Variants in CMBL observed in about 807,000 individuals in gnomAD.
CMBL encodes carboxymethylenebutenolidase homolog.
CMBL carries 17 observed loss-of-function variants against 28.7 expected under a neutral mutation model. That is an observed-to-expected ratio of 0.59 (90% confidence interval 0.41 to 0.89). The LOEUF is 0.89. Ranked by LOEUF, CMBL falls within the 40% of genes least tolerant of loss-of-function variation. The pLI is 0.00. For missense variants in CMBL, 310 were observed against 298.5 expected (o/e 1.04, Z -0.28); for synonymous variants, 106 against 101.6 (o/e 1.04, Z -0.26).
chr5:10,288,592 C>T, intron 2 of CMBL, 63 bp from the exon 3 acceptor site: 1 of 1,287,880 alleles, frequency 7.8e-7, no homozygotes, highest in Non-Finnish European at 1.1e-6. Context: ...ATTTTGCTTG[C>T]ATTTATTTAA....
At chr5:10,290,829 A>G (rs1283906986) in intron 1 of CMBL, 48 bp from the exon 2 acceptor site, 11 of 1,401,996 alleles carry the variant, frequency 7.8e-6, no homozygotes, top group South Asian at 2.4e-5. Flanking sequence ...GCAAATCTAA[A>G]GGCTATAAAT....
In CMBL at chr5:10,288,140, G is replaced by A. The variant is rs539652448; in HGVS notation, c.323+282C>T. 1.7e-3 allele frequency among the ~76,000 whole-genome samples: 264 copies of A among 151,954 alleles called. 4 individuals carry two copies. The highest frequency in any genetic ancestry group is 3.8e-4 in the Non-Finnish European group (26 of 67,950). ...AAAATTAGCCGGGCTGGTGGCAGGC[G>A]CCTGTAATCCCAGCTACTCGGGAGG... is the stretch of plus-strand genomic sequence containing the variant. On this transcript the variant is annotated intron_variant, in intron 3 of 5. Coordinates refer to ENST00000296658, the MANE Select transcript of CMBL (RefSeq NM_138809.4).
intron 1 of CMBL, among the ~76,000 whole-genome samples, chr5:10,305,003 C>T (rs1197196999): frequency 1.3e-5 from 2 of 152,180 alleles, no homozygotes; most frequent in Non-Finnish European, 2.9e-5. Context: ...AAGAAGGTTT[C>T]CTTTTCCTCC....
At chr5:10,305,067 A>T (rs1200756412) in intron 1 of CMBL, among the ~76,000 whole-genome samples, 5 of 152,150 alleles carry the variant, frequency 3.3e-5, no homozygotes, top group Admixed American at 1.3e-4. Context: ...CTCGTTACAC[A>T]TGCTGTCAAT....
intron 4 of CMBL, among the ~76,000 whole-genome samples, chr5:10,285,577 CGT>C (rs1746583986): frequency 6.6e-6 from 1 of 151,978 alleles, no homozygotes; most frequent in African/African-American, 2.4e-5. Flanking sequence ...GGATTACAGG[CGT>C]GAGTCATCGC....
chr5:10,278,738 C>T lies in CMBL; in HGVS notation c.*1715G>A, dbSNP rs2126534466. On this transcript the variant is annotated 3_prime_UTR_variant, in exon 6 of 6. Coordinates refer to ENST00000296658, the MANE Select transcript of CMBL (RefSeq NM_138809.4). Reference sequence around the variant, plus strand: ...AGTTGCCTCCTCTACCCCATCCTAACTTCTTTCCCGGTCAGGGCTCTCCGG... The same window carrying T: ...AGTTGCCTCCTCTACCCCATCCTAATTTCTTTCCCGGTCAGGGCTCTCCGG... 6.6e-6 allele frequency among the ~76,000 whole-genome samples: 1 copy of T among 152,298 alleles called. No individual in the cohort carries two copies. The highest frequency in any genetic ancestry group is 2.4e-5 in the African/African-American group (1 of 41,554).
At chr5:10,291,639 G>A (rs10060928) in intron 1 of CMBL, among the ~76,000 whole-genome samples, 1 of 150,376 alleles carries the variant, frequency 6.6e-6, no homozygotes, top group African/African-American at 2.5e-5. Flanking sequence ...CCAGCCTGGG[G>A]GACAGAGCGA....
Position 10,277,924 on chromosome 5 carries a change from T to C in CMBL, c.*2529A>G, listed in dbSNP as rs771740244. On this transcript the variant is annotated 3_prime_UTR_variant, in exon 6 of 6. Coordinates refer to ENST00000296658, the MANE Select transcript of CMBL (RefSeq NM_138809.4). ...CACCTATGTTGAAGACTCTGGCTAC[T>C]GGCCACATGCTCACCGACACCGTTC... Among the ~76,000 whole-genome samples, 12 of 152,260 alleles carry C rather than the reference T, an allele frequency of 7.9e-5. No homozygotes were observed. Among genetic ancestry groups the C allele is most frequent in the Non-Finnish European group, 1.6e-4 (11 of 68,046 alleles).
At chr5:10,282,656 G>A (rs1032250066) in intron 4 of CMBL, among the ~76,000 whole-genome samples, 5 of 152,092 alleles carry the variant, frequency 3.3e-5, no homozygotes, top group Non-Finnish European at 5.9e-5. Flanking sequence ...GGTGGTGCAT[G>A]CCTGTAGTCT....
At chr5:10,297,802 C>T (rs1440611101) in intron 1 of CMBL, among the ~76,000 whole-genome samples, 2 of 151,992 alleles carry the variant, frequency 1.3e-5, no homozygotes, top group African/African-American at 2.4e-5. Context: ...TCTTTGGCAG[C>T]GTGGACAGTC....
intron 4 of CMBL, among the ~76,000 whole-genome samples, chr5:10,283,216 G>A (rs982390566): frequency 6.6e-6 from 1 of 152,012 alleles, no homozygotes; most frequent in African/African-American, 2.4e-5. Context: ...ATGATACCTC[G>A]TCCGCTGCTT....
In CMBL at chr5:10,280,266, T is replaced by C. The variant is rs1296749449; in HGVS notation, c.*187A>G. The C allele has an allele frequency of 4.0e-6, 2 of 502,986 alleles. No homozygotes were observed. Among genetic ancestry groups the C allele is most frequent in the Non-Finnish European group, 7.0e-6 (2 of 286,572 alleles). 31.2% of individuals were successfully genotyped at this position (502,986 alleles called of 1,614,324 possible). A position where few individuals can be genotyped will look rare whatever the true frequency, so the allele number is the denominator to read the frequency against. ...ACCTTGTTTTTAAATTATGATTCGA[T>C]GTACATGTCAAAAATTAAATTATTT... is the stretch of plus-strand genomic sequence containing the variant. On this transcript the variant is annotated 3_prime_UTR_variant, in exon 6 of 6. Transcript: ENST00000296658.
At position 10,286,431 on chromosome 5, in the gene CMBL, C is replaced by T; in HGVS notation, c.389G>A (p.Gly130Glu). ...QCHAQKIGIVGFCWGGTAVHH... is the reference protein window; with the variant it reads ...QCHAQKIGIVEFCWGGTAVHH... ...GACAGCAGTTCCACCCCAGCAGAATCCCACGATGCCAATTTTCTGGGCATG... is the reference window on the plus strand; with the variant it reads ...GACAGCAGTTCCACCCCAGCAGAATTCCACGATGCCAATTTTCTGGGCATG... Residue 130 changes from glycine (G) to glutamate (E), a missense_variant, in exon 4 of 6, where the codon GGA becomes GAA. Transcript: ENST00000296658. 1 of 1,614,070 alleles carries T rather than the reference C, an allele frequency of 6.2e-7. No homozygotes were observed. The highest frequency in any genetic ancestry group is 8.5e-7 in the Non-Finnish European group (1 of 1,179,930).
In CMBL at chr5:10,285,694, C is replaced by CTT. The variant is rs1252497762; in HGVS notation, c.466+658_466+659dup. On this transcript the variant is annotated intron_variant, in intron 4 of 5. Transcript: ENST00000296658. ...AGTCTTTCTTTCTTTCTTTCTCTTT[C>CTT]TTTTTCTTTTTTTTTTTTTTTGAGA... Among the ~76,000 whole-genome samples, 9 of 87,486 alleles carry CTT rather than the reference C, an allele frequency of 1.0e-4. 1 individual carries two copies. The highest frequency in any genetic ancestry group is 1.9e-4 in the African/African-American group (6 of 31,892). The allele number at this position is 87,486 out of a possible 152,430, so 57.4% of individuals were successfully genotyped here.
intron 1 of CMBL, among the ~76,000 whole-genome samples, chr5:10,299,822 T>C (rs1746864924): frequency 6.7e-6 from 1 of 150,312 alleles, no homozygotes; most frequent in Non-Finnish European, 1.5e-5. Flanking sequence ...GTGTTAAGAG[T>C]GAGACCCTAT....
intron 3 of CMBL, 138 bp downstream of exon 3, chr5:10,288,284 T>C (rs1746643213): frequency 3.0e-6 from 2 of 668,222 alleles, no homozygotes; most frequent in Non-Finnish European, 5.2e-6. Flanking sequence ...TTTTCTCCTT[T>C]GTGCCAGGGG....
At position 10,293,375 on chromosome 5, in the gene CMBL, T is replaced by C. The variant is rs534134277; in HGVS notation, c.-19-2594A>G. The stretch of plus-strand genomic sequence containing the variant: ...GTGAGGGTCCACTTTCTGGTTCATA[T>C]GTGGTGCCCTCTCCTTGTGTCCTCA... On this transcript the variant is annotated intron_variant, in intron 1 of 5. Transcript: ENST00000296658. Among the ~76,000 whole-genome samples, 327 of 152,316 alleles carry C rather than the reference T, an allele frequency of 2.1e-3. 2 individuals are homozygous for C. The highest frequency in any genetic ancestry group is 7.4e-3 in the African/African-American group (307 of 41,562).
intron 1 of CMBL, among the ~76,000 whole-genome samples, chr5:10,298,788 G>C (rs1746848264): frequency 1.3e-5 from 2 of 152,202 alleles, no homozygotes; most frequent in South Asian, 4.1e-4. Context: ...AGCTACTCCG[G>C]AGGCTGAGGC....
In CMBL at chr5:10,283,133, T is replaced by C. The variant is rs115890921; in HGVS notation, c.467-845A>G. ...GAGGATTATAAGAGTACAAGAGAAA[T>C]TTATTTAGTCAGATCCTCCTACTGT... On this transcript the variant is annotated intron_variant, in intron 4 of 5. Coordinates refer to ENST00000296658, the MANE Select transcript of CMBL (RefSeq NM_138809.4). 4.8e-3 allele frequency among the ~76,000 whole-genome samples: 712 copies of C among 147,930 alleles called. 3 individuals carry two copies. The highest frequency in any genetic ancestry group is 0.017 in the African/African-American group (679 of 40,420).
Sources: allele counts gnomAD v4.1 joint callset (sites outside exome capture counted in the v4.1 genomes callset), GRCh38; gene constraint gnomAD v4.1.1; transcripts MANE v1.5; gene names NCBI Gene and HGNC (gene_info 2026-07-23, HGNC 2026-07-21).